Variants in TXN observed in about 807,000 individuals in gnomAD.
TXN encodes ADF.
A neutral mutation model predicts 16.5 loss-of-function variants in TXN; 10 were observed. That is an observed-to-expected ratio of 0.61 (90% CI 0.37 to 1.03). TXN has a LOEUF of 1.03. Ranked by LOEUF, TXN falls within the 50% of genes least tolerant of loss-of-function variation. The probability of loss-of-function intolerance (pLI) is 0.01; values close to 1 mark genes in which losing one functional copy is unlikely to be tolerated. For synonymous variants in TXN, 35 were observed against 39.4 expected (o/e 0.89, Z 0.42); for missense variants, 71 against 122.5 (o/e 0.58, Z 1.98).
At chr9:110,249,053 G>A (rs919607033) in intron 3 of TXN, among the ~76,000 whole-genome samples, 1 of 137,302 alleles carries the variant, frequency 7.3e-6, no homozygotes, top group Non-Finnish European at 1.5e-5. Flanking sequence ...CTTAAACCCG[G>A]GAGGCAGAGG....
intron 1 of TXN, among the ~76,000 whole-genome samples, chr9:110,252,524 G>A (rs745509124): frequency 4.6e-5 from 7 of 152,180 alleles, no homozygotes; most frequent in Non-Finnish European, 1.0e-4. Flanking sequence ...AGGAATGCTT[G>A]TTAAATAAAA....
intron 3 of TXN, among the ~76,000 whole-genome samples, chr9:110,247,322 CAAAA>C (rs5899888): frequency 2.1e-4 from 17 of 82,704 alleles, no homozygotes; most frequent in African/African-American, 6.5e-4. Flanking sequence ...GACTCTGTCT[CAAAA>C]AAAAAAAAAA....
chr9:110,246,446 A>G (rs1208241406), intron 3 of TXN, among the ~76,000 whole-genome samples: 1 of 152,214 alleles, frequency 6.6e-6, no homozygotes, highest in Non-Finnish European at 1.5e-5. Flanking sequence ...TTTGGAGGAC[A>G]ATACCACGAA....
chr9:110,249,125 C>CAA lies in TXN; in HGVS notation c.189+1693_189+1694dup, dbSNP rs71302631. Among the ~76,000 whole-genome samples, 299 of 53,850 alleles carry CAA rather than the reference C, an allele frequency of 5.6e-3. 32 individuals carry two copies. Among genetic ancestry groups the CAA allele is most frequent in the Non-Finnish European group, 6.5e-3 (197 of 30,178 alleles). 35.3% of individuals were successfully genotyped at this position (53,850 alleles called of 152,430 possible). Reference sequence around the variant, plus strand: ...CCAGGTGACAGAGTGAACTCCATCTCAAAAAAAAAAAAAAAAAAAAAAAAA... The same window carrying CAA: ...CCAGGTGACAGAGTGAACTCCATCTCAAAAAAAAAAAAAAAAAAAAAAAAAAA... On this transcript the variant is annotated intron_variant, in intron 3 of 4. Transcript: ENST00000374517.
chr9:110,246,063 G>A (rs4135214), intron 3 of TXN, among the ~76,000 whole-genome samples: 1,674 of 150,612 alleles, frequency 0.011, 42 homozygotes, highest in African/African-American at 0.039. Flanking sequence ...AGACTATCTC[G>A]GGAGGAAAAA....
At chr9:110,248,136 TA>T (rs556085548) in intron 3 of TXN, among the ~76,000 whole-genome samples, 5 of 152,030 alleles carry the variant, frequency 3.3e-5, no homozygotes, top group East Asian at 1.9e-4. Context: ...GTTAAAGAGT[TA>T]AAAAAATAAA....
intron 4 of TXN, 85 bp from the exon 5 acceptor site, chr9:110,244,304 T>TATATAC (rs1301980600): frequency 2.3e-6 from 1 of 430,686 alleles, no homozygotes; most frequent in African/African-American, 2.1e-5. Flanking sequence ...TGTATTTATA[T>TATATAC]ATATACATAT....
chr9:110,245,629 TATATATATATATATATATATA>T (rs1837641673), intron 3 of TXN, among the ~76,000 whole-genome samples: 1 of 19,326 alleles, frequency 5.2e-5, no homozygotes, highest in African/African-American at 3.0e-4. Flanking sequence ...TATATATATA[TATATATATATATATATATATA>T]TATATTTTTT....
chr9:110,252,688 A>T (rs1423057683), intron 1 of TXN, among the ~76,000 whole-genome samples: 1 of 152,036 alleles, frequency 6.6e-6, no homozygotes, highest in Admixed American at 6.6e-5. Flanking sequence ...CTTGTTGCCC[A>T]GGCTGGAGTG....
intron 2 of TXN, 78 bp downstream of exon 2, chr9:110,251,280 G>C: frequency 9.1e-7 from 1 of 1,102,570 alleles, no homozygotes; most frequent in Non-Finnish European, 1.4e-6. Flanking sequence ...TCCTTTAACT[G>C]TCTTTCTTTC....
At chr9:110,252,461 T>C (rs950421860) in intron 1 of TXN, among the ~76,000 whole-genome samples, 1 of 152,166 alleles carries the variant, frequency 6.6e-6, no homozygotes, top group Non-Finnish European at 1.5e-5. Flanking sequence ...ATTCATTAAA[T>C]GAAAGTTTTC....
At chr9:110,245,654 A>ATATATATAT (rs1232332404) in intron 3 of TXN, among the ~76,000 whole-genome samples, 30 of 21,770 alleles carry the variant, frequency 1.4e-3, no homozygotes, top group Non-Finnish European at 1.7e-3. Flanking sequence ...ATATATATAT[A>ATATATATAT]TTTTTTTTTT....
chr9:110,246,578 CG>C (rs746757305), intron 3 of TXN, among the ~76,000 whole-genome samples: 50 of 152,220 alleles, frequency 3.3e-4, no homozygotes, highest in Non-Finnish European at 6.9e-4. Context: ...GGACAGCAAG[CG>C]AGCAGGCAGG....
At chr9:110,248,144 TAA>T (rs565618746) in intron 3 of TXN, among the ~76,000 whole-genome samples, 1 of 152,042 alleles carries the variant, frequency 6.6e-6, no homozygotes, top group Non-Finnish European at 1.5e-5. Context: ...GTTAAAAAAA[TAA>T]AAAAACTATA....
chr9:110,248,792 G>T (rs954868653), intron 3 of TXN, among the ~76,000 whole-genome samples: 2 of 151,982 alleles, frequency 1.3e-5, no homozygotes, highest in African/African-American at 4.8e-5. Context: ...CATGCAAAGG[G>T]CTTATCATGG....
intron 3 of TXN, among the ~76,000 whole-genome samples, chr9:110,249,473 T>G (rs534302357): frequency 2.7e-4 from 41 of 152,248 alleles, no homozygotes; most frequent in Non-Finnish European, 4.6e-4. Context: ...AGGAATCTAC[T>G]GAGACTAATG....
rs1261980342 is a variant in TXN at position 110,245,579 on chromosome 9, T to TTGTG, written c.190-740_190-737dup. 7.9e-3 allele frequency among the ~76,000 whole-genome samples: 843 copies of TTGTG among 107,002 alleles called. 45 individuals are homozygous for TTGTG. The highest frequency in any genetic ancestry group is 0.028 in the African/African-American group (781 of 28,188). The allele number at this position is 107,002 out of a possible 152,430, so 70.2% of individuals were successfully genotyped here. A position where few individuals can be genotyped will look rare whatever the true frequency, so the allele number is the denominator to read the frequency against. ...CACACGCCACCACACCTGGCTAATT[T>TTGTG]TGTGTGTGTGTGTGTATATATATAC... On this transcript the variant is annotated intron_variant, in intron 3 of 4. Transcript: ENST00000374517.
chr9:110,246,379 G>A (rs1309939583), intron 3 of TXN, among the ~76,000 whole-genome samples: 1 of 152,168 alleles, frequency 6.6e-6, no homozygotes, highest in Non-Finnish European at 1.5e-5. Context: ...AATGCTAAAT[G>A]AGAACTCTTA....
rs529377380 is a variant in TXN, at chr9:110,244,977, A to G, written c.190-134T>C. Reference sequence around the variant, plus strand: ...TTTCCGCATGAGGACATTTTTCAGCATATGAAAATTAATATAATGAATATA... The same window carrying G: ...TTTCCGCATGAGGACATTTTTCAGCGTATGAAAATTAATATAATGAATATA... On this transcript the variant is annotated intron_variant, in intron 3 of 4. Transcript: ENST00000374517. 1.1e-4 allele frequency: 63 copies of G among 584,210 alleles called. 1 individual carries two copies. In the South Asian group the frequency reaches 1.2e-3, roughly 11 times the overall value. The allele number at this position is 584,210 out of a possible 1,614,324, so 36.2% of individuals were successfully genotyped here. A position where few individuals can be genotyped will look rare whatever the true frequency, so the allele number is the denominator to read the frequency against.
Sources: allele counts gnomAD v4.1 joint callset (sites outside exome capture counted in the v4.1 genomes callset), GRCh38; gene constraint gnomAD v4.1.1; transcripts MANE v1.5; gene names NCBI Gene and HGNC (gene_info 2026-07-23, HGNC 2026-07-21).